Variants in TOGARAM1 observed in about 807,000 individuals in gnomAD.
TOGARAM1 encodes the protein TOG array regulator of axonemal microtubules 1.
In TOGARAM1, 100 loss-of-function variants were observed where a neutral mutation model predicts 166.6. The ratio of observed to expected loss-of-function variants is 0.60; its 90% CI spans 0.51 to 0.71. The LOEUF is 0.71. Ranked by LOEUF, TOGARAM1 falls within the 30% of genes least tolerant of loss-of-function variation. TOGARAM1 has a pLI of 0.00. For missense variants in TOGARAM1, 2,029 were observed against 2,102.7 expected (o/e 0.96, Z 0.69); for synonymous variants, 758 against 763.8 (o/e 0.99, Z 0.13).
Position 44,963,005 on chromosome 14 carries a change from T to G in TOGARAM1, c.584T>G (p.Leu195Arg), listed in dbSNP as rs762463533. 1 of 1,614,054 alleles carries G rather than the reference T, an allele frequency of 6.2e-7. No homozygotes were observed. The change falls in exon 1 of 20, where the codon CTG becomes CGG. Residue 195 changes from leucine to arginine, a missense_variant. Transcript: ENST00000361462. ...VVSLREENPA[L>R]RKDALQILHI... ...TCGTTACGGGAAGAGAATCCAGCCCTGCGGAAAGATGCGCTGCAGATCCTT... is the reference window on the plus strand; with the variant it reads ...TCGTTACGGGAAGAGAATCCAGCCCGGCGGAAAGATGCGCTGCAGATCCTT...
intron 1 of TOGARAM1, among the ~76,000 whole-genome samples, chr14:44,973,606 A>G (rs770740229): frequency 4.6e-5 from 7 of 150,900 alleles, no homozygotes; most frequent in Non-Finnish European, 1.0e-4. Context: ...CTATATATAC[A>G]TATATATATA....
chr14:45,052,594 T>C (rs1405271364), intron 15 of TOGARAM1, 32 bp downstream of exon 15: 4 of 1,558,316 alleles, frequency 2.6e-6, no homozygotes, highest in Non-Finnish European at 2.6e-6. Context: ...TATAAACAGC[T>C]TTATAAGCAA....
intron 10 of TOGARAM1, among the ~76,000 whole-genome samples, chr14:45,031,623 A>G (rs1322741237): frequency 2.0e-5 from 3 of 152,218 alleles, no homozygotes; most frequent in African/African-American, 7.2e-5. Flanking sequence ...CTGTTAAAAT[A>G]AAGCTAGACT....
At chr14:45,028,711 T>C (rs556927047) in intron 10 of TOGARAM1, among the ~76,000 whole-genome samples, 1 of 152,204 alleles carries the variant, frequency 6.6e-6, no homozygotes, top group Non-Finnish European at 1.5e-5. Context: ...GTACCTACTA[T>C]GTTTTGTGCT....
chr14:44,988,097 G>A (rs1240875515), intron 1 of TOGARAM1, among the ~76,000 whole-genome samples: 1 of 140,110 alleles, frequency 7.1e-6, no homozygotes, highest in Admixed American at 7.4e-5. Context: ...ACACACTGGG[G>A]CCTGCTGTGA....
chr14:45,047,920 G>A (rs1882156204), intron 14 of TOGARAM1, among the ~76,000 whole-genome samples: 1 of 151,946 alleles, frequency 6.6e-6, no homozygotes, highest in Non-Finnish European at 1.5e-5. Context: ...GCCAGGCATG[G>A]TGGCACATGC....
intron 11 of TOGARAM1, among the ~76,000 whole-genome samples, chr14:45,033,447 C>A (rs1276978300): frequency 2.0e-5 from 3 of 152,010 alleles, no homozygotes; most frequent in Admixed American, 6.6e-5. Flanking sequence ...CAAAAGCAGC[C>A]TTAAAACGGT....
In TOGARAM1 at chr14:44,963,699, A is replaced by G; in HGVS notation, c.1278A>G (p.Gly426=). The G allele has an allele frequency of 6.2e-7, 1 of 1,613,950 alleles. No homozygotes were observed. The highest frequency in any genetic ancestry group is 1.1e-5 in the South Asian group (1 of 91,088). ...TGCATTTACTGGTTATTCGCCTTGG[A>G]GAGCAGGTACAGCAGTTCTTGGGAC... ...EVLHLLVIRL[G]EQVQQFLGPV... Residue 426 remains glycine, a synonymous_variant, in exon 1 of 20, where the codon GGA becomes GGG. Coordinates refer to ENST00000361462, the MANE Select transcript of TOGARAM1 (RefSeq NM_001308120.2).
In TOGARAM1 at chr14:45,073,419, T is replaced by C. The variant is rs1029204223; in HGVS notation, c.5180T>C (p.Ile1727Thr). ...TCTCTGCCTGGAGCTGGAGGAAATATACGAACAGCCACAGCTAAATTATCA... is the reference window on the plus strand; with the variant it reads ...TCTCTGCCTGGAGCTGGAGGAAATACACGAACAGCCACAGCTAAATTATCA... Reference protein sequence around the residue: ...SGSLPGAGGNIRTATAKLSKA... With the variant: ...SGSLPGAGGNTRTATAKLSKA... Residue 1727 changes from isoleucine (I) to threonine (T), a missense_variant, in exon 20 of 20, where the codon ATA (isoleucine) becomes ACA (threonine). Ile to Thr is a moderately conservative substitution (Grantham distance 89). Transcript: ENST00000361462. 3.7e-6 allele frequency: 6 copies of C among 1,614,146 alleles called. No individual in the cohort carries two copies. Among genetic ancestry groups the C allele is most frequent in the South Asian group, 2.2e-5 (2 of 91,080 alleles).
rs1487104487 is a variant in TOGARAM1 at position 45,009,026 on chromosome 14, G to A, written c.3018G>A (p.Thr1006=). Residue 1006 remains threonine, a synonymous_variant, in exon 6 of 20, where the codon ACG becomes ACA. Coordinates refer to ENST00000361462, the MANE Select transcript of TOGARAM1 (RefSeq NM_001308120.2). ...SPDSAMKLDL[T]MDSPSLSSSP... ...ATTCTGCAATGAAGCTCGACTTGACGATGGACTCCCCGTCTCTGTCTTCCT... is the reference window on the plus strand; with the variant it reads ...ATTCTGCAATGAAGCTCGACTTGACAATGGACTCCCCGTCTCTGTCTTCCT... The A allele has an allele frequency of 8.1e-6, 13 of 1,613,978 alleles. No homozygotes were observed. The highest frequency in any genetic ancestry group is 2.2e-5 in the East Asian group (1 of 44,878).
intron 14 of TOGARAM1, among the ~76,000 whole-genome samples, chr14:45,051,935 G>C (rs762074039): frequency 6.6e-6 from 1 of 152,128 alleles, no homozygotes; most frequent in African/African-American, 2.4e-5. Context: ...TAAGCCAAAA[G>C]TGCATTTAAA....
intron 6 of TOGARAM1, among the ~76,000 whole-genome samples, chr14:45,011,710 T>C (rs938407139): frequency 6.6e-6 from 1 of 152,074 alleles, no homozygotes; most frequent in Non-Finnish European, 1.5e-5. Context: ...CAATCCTGTC[T>C]TGAGTAATTA....
At chr14:44,964,951 TAAA>T (rs35780816) in intron 1 of TOGARAM1, among the ~76,000 whole-genome samples, 156 of 85,880 alleles carry the variant, frequency 1.8e-3, no homozygotes, top group African/African-American at 6.8e-3. Context: ...ACTAGAAAAG[TAAA>T]AAAAAAAAAA....
intron 16 of TOGARAM1, among the ~76,000 whole-genome samples, chr14:45,066,188 A>G (rs1883129933): frequency 6.6e-6 from 1 of 152,244 alleles, no homozygotes. Context: ...CATTTCACAT[A>G]TGTTGTCATA....
chr14:44,975,549 C>T (rs1886131661), intron 1 of TOGARAM1, among the ~76,000 whole-genome samples: 2 of 152,140 alleles, frequency 1.3e-5, no homozygotes, highest in South Asian at 4.1e-4. Context: ...TCACTGCAAC[C>T]TCTGTCTCCC....
chr14:44,973,878 T>C (rs1159980336), intron 1 of TOGARAM1, among the ~76,000 whole-genome samples: 2 of 151,842 alleles, frequency 1.3e-5, no homozygotes, highest in African/African-American at 4.8e-5. Context: ...GATGTAATTC[T>C]TATCTTTGCT....
At position 45,071,803 on chromosome 14, in the gene TOGARAM1, A is replaced by G; in HGVS notation, c.5056+5A>G. On this transcript the variant is annotated splice_donor_5th_base_variant and intron_variant, in intron 19 of 19. Coordinates refer to ENST00000361462, the MANE Select transcript of TOGARAM1 (RefSeq NM_001308120.2). The stretch of plus-strand genomic sequence containing the variant: ...ACATGACGGAAAAGCTTGCTGGTAA[A>G]TACTTTGTAATTTCTAAAGAAATAT... The G allele has an allele frequency of 5.0e-6, 8 of 1,593,356 alleles. No individual in the cohort carries two copies. The highest frequency in any genetic ancestry group is 6.8e-6 in the Non-Finnish European group (8 of 1,171,340).
intron 8 of TOGARAM1, 152 bp downstream of exon 8, chr14:45,026,024 G>A (rs1228820252): frequency 7.9e-6 from 4 of 505,588 alleles, no homozygotes; most frequent in Non-Finnish European, 1.4e-5. Flanking sequence ...ATAATTAGAA[G>A]TGAATACTTA....
chr14:44,962,856 G>T lies in TOGARAM1; in HGVS notation c.435G>T (p.Val145=). Residue 145 remains valine (V), a synonymous_variant, in exon 1 of 20, where the codon GTG becomes GTT. Transcript: ENST00000361462. ...ATCGGGCACTGGGCCGAGTGCTTGT[G>T]GAAGGAGGTAGTGATGAGAAGCGGC... The part of the protein sequence containing the change: ...ALYRALGRVL[V]EGGSDEKRLC... 6.2e-7 allele frequency: 1 copy of T among 1,613,594 alleles called. No individual in the cohort carries two copies.
Sources: allele counts gnomAD v4.1 joint callset (sites outside exome capture counted in the v4.1 genomes callset), GRCh38; gene constraint gnomAD v4.1.1; transcripts MANE v1.5; gene names NCBI Gene and HGNC (gene_info 2026-07-23, HGNC 2026-07-21).